The following SNX24 variants were observed in gnomAD, a reference collection of about 807,000 sequenced individuals.
SNX24 encodes sorting nexin-24.
A neutral mutation model predicts 28.7 loss-of-function variants in SNX24; 22 were observed. That is an observed-to-expected ratio of 0.77 (90% CI 0.55 to 1.10). The LOEUF (loss-of-function observed/expected upper bound fraction) is 1.10, where lower values mean the gene tolerates loss of function less well. Ranked by LOEUF, SNX24 falls within the 50% of genes least tolerant of loss-of-function variation. SNX24 has a pLI of 0.00. For synonymous variants in SNX24, 69 were observed against 71.5 expected (o/e 0.96, Z 0.18); for missense variants, 221 against 201.1 (o/e 1.10, Z -0.60).
chr5:122,846,363 G>A (rs1442884710), intron 1 of SNX24, among the ~76,000 whole-genome samples: 1 of 152,022 alleles, frequency 6.6e-6, no homozygotes, highest in Non-Finnish European at 1.5e-5. Flanking sequence ...CGTTTACTAA[G>A]TGAATTGTTG....
intron 1 of SNX24, among the ~76,000 whole-genome samples, chr5:122,915,058 GT>G (rs1046157908): frequency 1.3e-5 from 2 of 152,066 alleles, no homozygotes; most frequent in Non-Finnish European, 2.9e-5. Flanking sequence ...AGATTTCAGG[GT>G]TTTTTTAGAC....
chr5:122,849,490 T>C (rs147098261), intron 1 of SNX24, among the ~76,000 whole-genome samples: 1,896 of 152,236 alleles, frequency 0.012, 43 homozygotes, highest in African/African-American at 0.044. Context: ...TAGGAAATGC[T>C]GACTTTGAAA....
intron 1 of SNX24, among the ~76,000 whole-genome samples, chr5:122,908,966 A>C (rs1757764359): frequency 1.3e-5 from 2 of 152,166 alleles, no homozygotes; most frequent in South Asian, 4.1e-4. Flanking sequence ...GAAGCGTGGG[A>C]CTTGCTCTAA....
At chr5:122,866,176 G>A (rs548317678) in intron 1 of SNX24, among the ~76,000 whole-genome samples, 7 of 152,280 alleles carry the variant, frequency 4.6e-5, no homozygotes, top group African/African-American at 1.7e-4. Context: ...AATAACAAGA[G>A]TCTTGCTCTG....
intron 3 of SNX24, among the ~76,000 whole-genome samples, chr5:122,949,743 A>G (rs921552239): frequency 6.6e-6 from 1 of 152,196 alleles, no homozygotes; most frequent in African/African-American, 2.4e-5. Flanking sequence ...TTTTAAGTAC[A>G]TTTCTGAACC....
At chr5:122,878,976 T>A (rs1052475280) in intron 1 of SNX24, among the ~76,000 whole-genome samples, 5 of 151,102 alleles carry the variant, frequency 3.3e-5, no homozygotes, top group Non-Finnish European at 7.4e-5. Context: ...AATTAAAAAT[T>A]AAAAAAAAGA....
chr5:122,947,913 G>A (rs1183697066), intron 3 of SNX24, among the ~76,000 whole-genome samples: 1 of 152,136 alleles, frequency 6.6e-6, no homozygotes, highest in Non-Finnish European at 1.5e-5. Flanking sequence ...ATTTTAAGTT[G>A]TTTGTACTTC....
At chr5:122,961,466 A>T (rs982652568) in intron 3 of SNX24, among the ~76,000 whole-genome samples, 7 of 152,228 alleles carry the variant, frequency 4.6e-5, no homozygotes, top group African/African-American at 1.7e-4. Context: ...AACATGAGAC[A>T]AACTGTTCTT....
intron 1 of SNX24, among the ~76,000 whole-genome samples, chr5:122,931,280 C>G (rs1758942405): frequency 6.6e-6 from 1 of 152,064 alleles, no homozygotes; most frequent in Non-Finnish European, 1.5e-5. Flanking sequence ...AATTTTTGTG[C>G]TAGTTTTTAA....
chr5:122,884,784 A>T (rs1756636649), intron 1 of SNX24, among the ~76,000 whole-genome samples: 1 of 152,122 alleles, frequency 6.6e-6, no homozygotes, highest in African/African-American at 2.4e-5. Context: ...CCGAGAGTGG[A>T]GAGCGTCTCA....
chr5:123,004,588 G>C (rs1762357220), intron 6 of SNX24, among the ~76,000 whole-genome samples: 1 of 152,070 alleles, frequency 6.6e-6, no homozygotes, highest in South Asian at 2.1e-4. Context: ...TCACAATATT[G>C]TATCTCCATC....
At chr5:122,933,580 T>C (rs924966906) in intron 1 of SNX24, among the ~76,000 whole-genome samples, 1 of 152,204 alleles carries the variant, frequency 6.6e-6, no homozygotes, top group South Asian at 2.1e-4. Context: ...CATTTCCCGA[T>C]GTCCAATGTC....
chr5:122,888,879 TCTCA>T (rs1231949239), intron 1 of SNX24, among the ~76,000 whole-genome samples: 5 of 152,192 alleles, frequency 3.3e-5, no homozygotes, highest in Admixed American at 2.0e-4. Context: ...TGAGACAGAA[TCTCA>T]CTCTGTCGCC....
chr5:122,886,829 C>CA lies in SNX24; in HGVS notation c.60+41149dup, dbSNP rs879293876. On this transcript the variant is annotated intron_variant, in intron 1 of 6. Transcript: ENST00000261369. ...TGGCCAACAGAGCGAGACTCTGACT[C>CA]AAAAAAAAAAAAATTATTCATTATT... Among the ~76,000 whole-genome samples, 654 of 139,920 alleles carry CA rather than the reference C, an allele frequency of 4.7e-3. 5 individuals are homozygous for CA. Among genetic ancestry groups the CA allele is most frequent in the African/African-American group, 0.014 (529 of 38,294 alleles). 91.8% of individuals were successfully genotyped at this position (139,920 alleles called of 152,430 possible).
At chr5:123,028,109 G>A (rs139404608) in intron 5 of SNX24, among the ~76,000 whole-genome samples, 1,662 of 152,286 alleles carry the variant, frequency 0.011, 15 homozygotes, top group Middle Eastern at 0.051. Flanking sequence ...GGGTCCTGAC[G>A]AAACCACCAC....
At chr5:122,942,866 C>A (rs1759520620) in intron 2 of SNX24, among the ~76,000 whole-genome samples, 1 of 152,128 alleles carries the variant, frequency 6.6e-6, no homozygotes, top group Admixed American at 6.5e-5. Context: ...TCATGGATCC[C>A]AGCAGCTATG....
chr5:122,845,852 G>A (rs894172812), intron 1 of SNX24, among the ~76,000 whole-genome samples, 159 bp downstream of exon 1: 1 of 151,908 alleles, frequency 6.6e-6, no homozygotes, highest in Non-Finnish European at 1.5e-5. Flanking sequence ...TGGCGCGGTT[G>A]TCAAGGAAAC....
intron 1 of SNX24, among the ~76,000 whole-genome samples, chr5:122,856,747 C>T (rs918155507): frequency 2.0e-5 from 3 of 151,962 alleles, no homozygotes; most frequent in Non-Finnish European, 4.4e-5. Context: ...AACTCCTGAC[C>T]TCAAGTGATC....
At chr5:122,988,534 T>A (rs1425830806) in intron 3 of SNX24, among the ~76,000 whole-genome samples, 1 of 152,238 alleles carries the variant, frequency 6.6e-6, no homozygotes, top group African/African-American at 2.4e-5. Context: ...AATTTGTGAT[T>A]AAAAAGACCT....
Sources: gnomAD v4.1 joint callset for allele counts (sites outside exome capture counted in the v4.1 genomes callset) on GRCh38, gnomAD v4.1.1 for gene constraint, MANE v1.5 for transcripts, NCBI Gene and HGNC (gene_info 2026-07-23, HGNC 2026-07-21) for gene names.